CPNE2: variants seen among roughly 807,000 people sequenced by gnomAD.
The protein encoded by CPNE2 is copine 2.
In CPNE2, 42 loss-of-function variants were observed where a neutral mutation model predicts 69.7. The ratio of observed to expected loss-of-function variants is 0.60; its 90% CI spans 0.47 to 0.78. The LOEUF (loss-of-function observed/expected upper bound fraction) is 0.78, where lower values mean the gene tolerates loss of function less well. Among genes scored for constraint, CPNE2 ranks in the 30% least tolerant of loss-of-function variants. The pLI is 0.00. For synonymous variants in CPNE2, 294 were observed against 289.8 expected (o/e 1.01, Z -0.15); for missense variants, 587 against 732.0 (o/e 0.80, Z 2.29).
At position 57,125,885 on chromosome 16, in the gene CPNE2, A is replaced by G; in HGVS notation, c.953A>G (p.Asn318Ser). 1 of 1,614,168 alleles carries G rather than the reference A, an allele frequency of 6.2e-7. No individual in the cohort carries two copies. Among genetic ancestry groups the G allele is most frequent in the African/African-American group, 1.3e-5 (1 of 75,046 alleles). ...GTTGGAATAGACTTTACAGCCTCCA[A>G]CGGGAATCCCCTCGACCCTTCCTCT... ...FTVGIDFTAS[N>S]GNPLDPSSLH... Residue 318 changes from asparagine to serine, a missense_variant, in exon 11 of 16, where the codon AAC becomes AGC. Physicochemically the swap from Asn to Ser is conservative, Grantham distance 46. Around this residue, in one of 5 missense-constraint regions of CPNE2, gnomAD observed 269 missense variants for 300.5 expected, o/e 0.90. Transcript: ENST00000290776.
chr16:57,142,670 G>C (rs565220625), intron 14 of CPNE2: 2 of 152,302 alleles, frequency 1.3e-5, no homozygotes, highest in African/African-American at 4.8e-5. Context: ...CCCATTCCTG[G>C]TTGGTCACCC....
At chr16:57,136,488 C>A (rs1314786219) in intron 13 of CPNE2, among the ~76,000 whole-genome samples, 2 of 152,218 alleles carry the variant, frequency 1.3e-5, no homozygotes, top group Non-Finnish European at 2.9e-5. Context: ...CTTCGCCAAG[C>A]CCCTTCTCTG....
intron 12 of CPNE2, among the ~76,000 whole-genome samples, chr16:57,128,227 T>TTTTA (rs1207915729): frequency 1.2e-4 from 18 of 152,132 alleles, no homozygotes; most frequent in Non-Finnish European, 1.6e-4. Context: ...ATGTGTTTAT[T>TTTTA]TTTATTTATT....
At chr16:57,122,904 T>C (rs1434124912) in intron 9 of CPNE2, among the ~76,000 whole-genome samples, 1 of 95,896 alleles carries the variant, frequency 1.0e-5, no homozygotes, top group African/African-American at 4.4e-5. Context: ...GTTTCTTTTC[T>C]CTTTTTTTTT....
At chr16:57,137,332 T>C in intron 14 of CPNE2, 50 bp downstream of exon 14, 1 of 1,604,626 alleles carries the variant, frequency 6.2e-7, no homozygotes, top group Non-Finnish European at 8.5e-7. Flanking sequence ...GCACGTCCTC[T>C]GGGCTGGGGG....
intron 2 of CPNE2, among the ~76,000 whole-genome samples, chr16:57,112,388 G>A (rs1478489828): frequency 2.6e-5 from 4 of 152,014 alleles, no homozygotes; most frequent in African/African-American, 9.7e-5. Context: ...CGAGGGAGTG[G>A]TATCCCCCTG....
At chr16:57,112,364 A>G (rs529568419) in intron 2 of CPNE2, among the ~76,000 whole-genome samples, 6 of 152,088 alleles carry the variant, frequency 3.9e-5, no homozygotes, top group African/African-American at 1.4e-4. Context: ...GGTCTCTAGA[A>G]CCCTTGAGTG....
Position 57,134,840 on chromosome 16 carries a change from C to T in CPNE2, c.1168+14C>T. The T allele has an allele frequency of 1.2e-6, 2 of 1,613,382 alleles. No homozygotes were observed. The highest frequency in any genetic ancestry group is 1.7e-6 in the Non-Finnish European group (2 of 1,179,548). ...CCTTCTGCTCAGGTGAGTGTCAGAC[C>T]CACCTGCAGCTGCCCTGTGTTTGCT... is the stretch of plus-strand genomic sequence containing the variant. On this transcript the variant is annotated intron_variant, in intron 13 of 15. Coordinates refer to ENST00000290776, the MANE Select transcript of CPNE2 (RefSeq NM_152727.6).
At chr16:57,133,999 G>A (rs548580890) in intron 12 of CPNE2, among the ~76,000 whole-genome samples, 13 of 152,300 alleles carry the variant, frequency 8.5e-5, no homozygotes, top group East Asian at 1.9e-4. Flanking sequence ...AGCGTCTCCC[G>A]AGGCCTTGGG....
chr16:57,126,391 G>C (rs377604285), intron 11 of CPNE2, among the ~76,000 whole-genome samples: 1 of 152,186 alleles, frequency 6.6e-6, no homozygotes, highest in Admixed American at 6.5e-5. Context: ...CTGGTTCCTG[G>C]GCCTGGCGCC....
chr16:57,104,021 A>G (rs1240633449), intron 1 of CPNE2, among the ~76,000 whole-genome samples: 2 of 152,080 alleles, frequency 1.3e-5, no homozygotes, highest in Admixed American at 1.3e-4. Context: ...GGTTCAAGCA[A>G]TTCTCCTGCC....
At chr16:57,147,459 G>A (rs1360098715) in intron 15 of CPNE2, 92 bp from the exon 16 acceptor site, 1 of 898,114 alleles carries the variant, frequency 1.1e-6, no homozygotes, top group Non-Finnish European at 1.6e-6. Flanking sequence ...GACACCTGCT[G>A]TAGCAGCCCT....
rs2069833680 is a variant in CPNE2 at position 57,130,951 on chromosome 16, G to C, written c.1116+3048G>C. Among the ~76,000 whole-genome samples, 1 of 152,134 alleles carries C rather than the reference G, an allele frequency of 6.6e-6. No individual in the cohort carries two copies. Among genetic ancestry groups the C allele is most frequent in the South Asian group, 2.1e-4 (1 of 4,826 alleles). On this transcript the variant is annotated intron_variant, in intron 12 of 15. Coordinates refer to ENST00000290776, the MANE Select transcript of CPNE2 (RefSeq NM_152727.6). The surrounding 1 kb of genome is among the most constrained non-coding windows in gnomAD (Gnocchi z 4.1). Reference sequence around the variant, plus strand: ...GGTAGTCCTGGGGCAGGAGGCGGGGGCTCCTCATAGAACCACGGGCACCAG... The same window carrying C: ...GGTAGTCCTGGGGCAGGAGGCGGGGCCTCCTCATAGAACCACGGGCACCAG...
chr16:57,115,587 TC>T (rs1396363141), intron 4 of CPNE2, 37 bp downstream of exon 4: 1 of 1,397,264 alleles, frequency 7.2e-7, no homozygotes, highest in South Asian at 1.2e-5. Flanking sequence ...ACCCCCTCCA[TC>T]CCCACCCCAC....
At chr16:57,129,381 T>C (rs1597501682) in intron 12 of CPNE2, among the ~76,000 whole-genome samples, 1 of 152,236 alleles carries the variant, frequency 6.6e-6, no homozygotes, top group African/African-American at 2.4e-5. Context: ...GGACTTTCTG[T>C]GTGACCAAGT....
At chr16:57,133,604 T>C (rs2069854327) in intron 12 of CPNE2, among the ~76,000 whole-genome samples, 1 of 152,138 alleles carries the variant, frequency 6.6e-6, no homozygotes. Flanking sequence ...TCTGGGATTG[T>C]CTGTGCCCAG....
chr16:57,143,624 T>G (rs1401644573), intron 14 of CPNE2: 1 of 152,524 alleles, frequency 6.6e-6, no homozygotes, highest in Non-Finnish European at 1.5e-5. Context: ...GCTCCACTCC[T>G]CTAGAATGGG....
Position 57,147,590 on chromosome 16 carries a change from C to A in CPNE2, c.1579C>A (p.Leu527Met). The change falls in exon 16 of 16, where the codon CTG (leucine) becomes ATG (methionine). Residue 527 changes from leucine to methionine, a missense_variant. Leu to Met is a conservative substitution (Grantham distance 15, BLOSUM62 2). Transcript: ENST00000290776. Reference sequence around the variant, plus strand: ...CTTGGCCAAAGCTGTGCTGGCGGAGCTGCCCCAACAAGTTGTGCAGTATTT... The same window carrying A: ...CTTGGCCAAAGCTGTGCTGGCGGAGATGCCCCAACAAGTTGTGCAGTATTT... ...ETLAKAVLAELPQQVVQYFKH... is the reference protein window; with the variant it reads ...ETLAKAVLAEMPQQVVQYFKH... 1.2e-6 allele frequency: 2 copies of A among 1,610,158 alleles called. No homozygotes were observed. The highest frequency in any genetic ancestry group is 4.5e-5 in the East Asian group (2 of 44,798).
In CPNE2 at chr16:57,137,196, C is replaced by T. The variant is rs774512899; in HGVS notation, c.1216C>T (p.Arg406Cys). Residue 406 changes from arginine to cysteine, a missense_variant, in exon 14 of 16, where the codon CGC becomes TGC. By Grantham distance (180) the Arg-to-Cys change is radical (BLOSUM62 -3). Coordinates refer to ENST00000290776, the MANE Select transcript of CPNE2 (RefSeq NM_152727.6). ...QAYSACLPHI[R>C]FYGPTNFSPI... The stretch of plus-strand genomic sequence containing the variant: ...GTACTCAGCTTGCCTGCCCCACATC[C>T]GCTTCTACGGTCCTACCAATTTCTC... 9.3e-6 allele frequency: 15 copies of T among 1,614,118 alleles called. No individual in the cohort carries two copies. The highest frequency in any genetic ancestry group is 1.3e-5 in the African/African-American group (1 of 74,936).
Sources: allele counts gnomAD v4.1 joint callset (sites outside exome capture counted in the v4.1 genomes callset), GRCh38; gene constraint gnomAD v4.1.1; regional missense constraint gnomAD v4.1.1; non-coding constraint Gnocchi (gnomAD v3.1); transcripts MANE v1.5; gene names NCBI Gene and HGNC (gene_info 2026-07-23, HGNC 2026-07-21).